Variants in CREB3L2 observed in about 807,000 individuals in gnomAD.
The protein encoded by CREB3L2 is cyclic AMP-responsive element-binding protein 3-like protein 2.
A neutral mutation model predicts 57.2 loss-of-function variants in CREB3L2; 23 were observed. The ratio of observed to expected loss-of-function variants is 0.40; its 90% CI spans 0.29 to 0.57. The LOEUF (loss-of-function observed/expected upper bound fraction) is 0.57, where lower values mean the gene tolerates loss of function less well. Ranked by LOEUF, CREB3L2 falls within the 20% of genes least tolerant of loss-of-function variation. The pLI is 0.42. For synonymous variants in CREB3L2, 268 were observed against 265.1 expected (o/e 1.01, Z -0.11); for missense variants, 628 against 634.7 (o/e 0.99, Z 0.11).
chr7:137,929,145 T>C (rs1214722939), intron 1 of CREB3L2, among the ~76,000 whole-genome samples: 1 of 152,148 alleles, frequency 6.6e-6, no homozygotes. Context: ...TCATCTCTAA[T>C]ACCATGAACT....
At chr7:137,928,735 A>G (rs1163154266) in intron 1 of CREB3L2, among the ~76,000 whole-genome samples, 1 of 152,190 alleles carries the variant, frequency 6.6e-6, no homozygotes. Context: ...ATGATGGCAG[A>G]AATCTTCCAT....
At chr7:137,915,678 T>C (rs77681427) in intron 3 of CREB3L2, among the ~76,000 whole-genome samples, 159 bp downstream of exon 3, 2,980 of 152,296 alleles carry the variant, frequency 0.02, 92 homozygotes, top group African/African-American at 0.067. Flanking sequence ...AACATACCCT[T>C]ATTAAATGTA....
intron 8 of CREB3L2, among the ~76,000 whole-genome samples, chr7:137,895,638 A>G (rs1799612727): frequency 6.6e-6 from 1 of 150,892 alleles, no homozygotes. Flanking sequence ...TGCTGAGTCC[A>G]GTACAAAAAA....
At chr7:137,896,819 G>A (rs1799636989) in intron 8 of CREB3L2, among the ~76,000 whole-genome samples, 1 of 152,174 alleles carries the variant, frequency 6.6e-6, no homozygotes, top group Non-Finnish European at 1.5e-5. Context: ...AGGGGAAGAG[G>A]AACATCGACA....
At position 138,001,747 on chromosome 7, in the gene CREB3L2, A is replaced by G. The variant is rs1447862739; in HGVS notation, c.-42T>C. ...CTGGGCCGAGGATGCTAAGCGCAGGAGGGGACGCGCAGAGCTGCCTCGGAC... is the reference window on the plus strand; with the variant it reads ...CTGGGCCGAGGATGCTAAGCGCAGGGGGGGACGCGCAGAGCTGCCTCGGAC... On this transcript the variant is annotated 5_prime_UTR_variant, in exon 1 of 12. Coordinates refer to ENST00000330387, the MANE Select transcript of CREB3L2 (RefSeq NM_194071.4). The surrounding 1 kb of genome is among the most constrained non-coding windows in gnomAD (Gnocchi z 4.2). The G allele has an allele frequency of 6.9e-7, 1 of 1,459,010 alleles. No individual in the cohort carries two copies. The highest frequency in any genetic ancestry group is 2.1e-5 in the Admixed American group (1 of 48,208). 90.4% of individuals were successfully genotyped at this position (1,459,010 alleles called of 1,614,324 possible).
chr7:137,929,177 G>A (rs752495950), intron 1 of CREB3L2, among the ~76,000 whole-genome samples: 2 of 151,966 alleles, frequency 1.3e-5, no homozygotes, highest in Non-Finnish European at 2.9e-5. Context: ...ACCATGCTTT[G>A]GACATAATAT....
intron 1 of CREB3L2, among the ~76,000 whole-genome samples, chr7:137,984,358 G>T (rs893919371): frequency 2.6e-5 from 4 of 152,242 alleles, no homozygotes; most frequent in African/African-American, 9.6e-5. Context: ...GGAGGCCTCA[G>T]AGAAAGCCCT....
intron 7 of CREB3L2, among the ~76,000 whole-genome samples, chr7:137,902,588 A>C (rs1799786664): frequency 6.6e-6 from 1 of 152,218 alleles, no homozygotes; most frequent in African/African-American, 2.4e-5. Flanking sequence ...AGGGGGGATT[A>C]GTTCCAGAAC....
rs750384945 is a variant in CREB3L2 at position 137,937,616 on chromosome 7, C to A, written c.103-9250G>T. Among the ~76,000 whole-genome samples the A allele has an allele frequency of 2.6e-5, 4 of 152,118 alleles. No individual in the cohort carries two copies. In the East Asian group the frequency reaches 5.8e-4, roughly 22 times the overall value. On this transcript the variant is annotated intron_variant, in intron 1 of 11. Transcript: ENST00000330387. Reference sequence around the variant, plus strand: ...AGTGAAATTTCAAGGATACCCAATTCTTTTCTAGTACAAAAATGTAGGCCC... The same window carrying A: ...AGTGAAATTTCAAGGATACCCAATTATTTTCTAGTACAAAAATGTAGGCCC...
intron 5 of CREB3L2, among the ~76,000 whole-genome samples, chr7:137,906,307 T>C (rs1396734508): frequency 6.6e-6 from 1 of 152,138 alleles, no homozygotes; most frequent in Non-Finnish European, 1.5e-5. Flanking sequence ...TCCTCCACTT[T>C]TAGCTAAGAG....
chr7:137,905,387 T>C (rs1297178485), intron 6 of CREB3L2, among the ~76,000 whole-genome samples: 1 of 86,672 alleles, frequency 1.2e-5, no homozygotes, highest in Non-Finnish European at 2.0e-5. Flanking sequence ...TTTAAAAGGC[T>C]GAGTTAAAAA....
At chr7:137,995,333 CTT>C (rs10676214) in intron 1 of CREB3L2, among the ~76,000 whole-genome samples, 5 of 87,438 alleles carry the variant, frequency 5.7e-5, no homozygotes, top group African/African-American at 9.4e-5. Flanking sequence ...TCTTTTCTTT[CTT>C]TTTTTTTTTT....
At chr7:137,969,335 ATCT>A (rs1284294486) in intron 1 of CREB3L2, among the ~76,000 whole-genome samples, 8 of 135,638 alleles carry the variant, frequency 5.9e-5, no homozygotes, top group Non-Finnish European at 9.4e-5. Flanking sequence ...GAGCATTATG[ATCT>A]TCTTTTTTTT....
intron 4 of CREB3L2, among the ~76,000 whole-genome samples, chr7:137,909,805 A>G (rs535066399): frequency 6.6e-6 from 1 of 152,310 alleles, no homozygotes; most frequent in South Asian, 2.1e-4. Flanking sequence ...CTTGAATTGT[A>G]GCTCCCATAA....
chr7:137,963,654 T>C (rs1420993682), intron 1 of CREB3L2, among the ~76,000 whole-genome samples: 1 of 152,202 alleles, frequency 6.6e-6, no homozygotes, highest in Non-Finnish European at 1.5e-5. Flanking sequence ...CGAACTGTAT[T>C]TATATTAGAG....
chr7:137,970,816 A>T (rs1195962400), intron 1 of CREB3L2, among the ~76,000 whole-genome samples: 1 of 152,136 alleles, frequency 6.6e-6, no homozygotes, highest in African/African-American at 2.4e-5. Flanking sequence ...TGTATCCTCC[A>T]CTAAAAAGAA....
Position 137,927,787 on chromosome 7 carries a change from G to GAAA in CREB3L2, c.319+360_319+362dup, listed in dbSNP as rs61623523. Among the ~76,000 whole-genome samples, 285 of 141,528 alleles carry GAAA rather than the reference G, an allele frequency of 2.0e-3. 1 individual carries two copies. Among genetic ancestry groups the GAAA allele is most frequent in the East Asian group, 8.5e-3 (41 of 4,796 alleles). 92.8% of individuals were successfully genotyped at this position (141,528 alleles called of 152,430 possible). A position where few individuals can be genotyped will look rare whatever the true frequency, so the allele number is the denominator to read the frequency against. ...TCTATAGAGGAATAGTTCTTTCTCA[G>GAAA]AAAAAAAAAAAAAAATGGCATGACC... On this transcript the variant is annotated intron_variant, in intron 2 of 11. Coordinates refer to ENST00000330387, the MANE Select transcript of CREB3L2 (RefSeq NM_194071.4).
chr7:137,894,976 G>A (rs1460401823), intron 8 of CREB3L2, among the ~76,000 whole-genome samples: 1 of 152,170 alleles, frequency 6.6e-6, no homozygotes, highest in East Asian at 1.9e-4. Flanking sequence ...GTAAAATAAG[G>A]TGATTAGCAG....
intron 8 of CREB3L2, 59 bp from the exon 9 acceptor site, chr7:137,885,561 C>T: frequency 1.4e-6 from 2 of 1,389,158 alleles, no homozygotes; most frequent in South Asian, 1.2e-5. Context: ...GCTTTTTGAT[C>T]TCTCCATGTG....
Sources: gnomAD v4.1 joint callset for allele counts (sites outside exome capture counted in the v4.1 genomes callset) on GRCh38, gnomAD v4.1.1 for gene constraint, Gnocchi (gnomAD v3.1) non-coding constraint, MANE v1.5 for transcripts, NCBI Gene and HGNC (gene_info 2026-07-23, HGNC 2026-07-21) for gene names.